MAPK10: variants seen among roughly 807,000 people sequenced by gnomAD.
MAPK10 encodes mitogen-activated protein kinase 10.
MAPK10 carries 25 observed loss-of-function variants against 59.3 expected under a neutral mutation model. The observed-to-expected ratio is 0.42, with a 90% CI of 0.31 to 0.59. The LOEUF (loss-of-function observed/expected upper bound fraction) is 0.59. Among genes scored for constraint, MAPK10 ranks in the 20% least tolerant of loss-of-function variants. The pLI is 0.15. For missense variants in MAPK10, 351 were observed against 568.9 expected (o/e 0.62, Z 3.90); for synonymous variants, 190 against 200.5 (o/e 0.95, Z 0.44).
intron 1 of MAPK10, among the ~76,000 whole-genome samples, chr4:86,425,747 C>T (rs960900255): frequency 4.6e-5 from 7 of 152,272 alleles, no homozygotes; most frequent in Non-Finnish European, 7.4e-5. Flanking sequence ...CCAAGGCAGG[C>T]GGATCACATG....
intron 1 of MAPK10, among the ~76,000 whole-genome samples, chr4:86,579,165 A>AC (rs1762093970): frequency 6.6e-6 from 1 of 152,296 alleles, no homozygotes; most frequent in East Asian, 1.9e-4. Flanking sequence ...TTATGTTACT[A>AC]CTACAGCAGT....
At position 86,057,083 on chromosome 4, in the gene MAPK10, C is replaced by G. The variant is rs1053003172; in HGVS notation, c.1110+7183G>C. Among the ~76,000 whole-genome samples, 35 of 149,008 alleles carry G rather than the reference C, an allele frequency of 2.3e-4. 3 individuals carry two copies. Among genetic ancestry groups the G allele is most frequent in the African/African-American group, 8.4e-4 (33 of 39,490 alleles). The stretch of plus-strand genomic sequence containing the variant: ...GGTTCAAGCGATTCTCCTGCCTCAG[C>G]CTTCCCAGTACCTGGCACTACAGGT... On this transcript the variant is annotated intron_variant, in intron 11 of 13. Transcript: ENST00000641462.
intron 13 of MAPK10, chr4:86,026,355 T>C (rs1437869191): frequency 6.6e-6 from 1 of 152,198 alleles, no homozygotes; most frequent in Non-Finnish European, 1.5e-5. Context: ...TCAGCAATTG[T>C]TACAGATCAA....
At chr4:86,128,004 G>A (rs972420602) in intron 4 of MAPK10, among the ~76,000 whole-genome samples, 5 of 151,784 alleles carry the variant, frequency 3.3e-5, no homozygotes, top group Admixed American at 2.0e-4. Flanking sequence ...TTAGGCACTG[G>A]GATTAGATTT....
At chr4:86,591,886 G>A (rs1415556885) in intron 1 of MAPK10, among the ~76,000 whole-genome samples, 1 of 151,944 alleles carries the variant, frequency 6.6e-6, no homozygotes, top group Non-Finnish European at 1.5e-5. Context: ...TTCTTGCCTT[G>A]TACTTGACTT....
At chr4:86,141,184 C>G (rs1256092499) in intron 4 of MAPK10, among the ~76,000 whole-genome samples, 2 of 152,170 alleles carry the variant, frequency 1.3e-5, no homozygotes, top group Admixed American at 6.5e-5. Context: ...ACATACAAGT[C>G]AAGCTCAGAA....
intron 3 of MAPK10, among the ~76,000 whole-genome samples, chr4:86,172,937 T>A (rs1488559431): frequency 6.6e-6 from 1 of 151,620 alleles, no homozygotes; most frequent in Non-Finnish European, 1.5e-5. Context: ...TCAAGGAGAA[T>A]TACAAAACCA....
intron 2 of MAPK10, among the ~76,000 whole-genome samples, chr4:86,204,354 A>AAATATTGTTC (rs1214454376): frequency 6.6e-6 from 1 of 152,022 alleles, no homozygotes; most frequent in Non-Finnish European, 1.5e-5. Flanking sequence ...ATGTTTCTTA[A>AAATATTGTTC]AATATTGTTC....
intron 1 of MAPK10, among the ~76,000 whole-genome samples, chr4:86,385,278 T>C (rs955501193): frequency 2.0e-5 from 3 of 152,192 alleles, no homozygotes; most frequent in Admixed American, 1.3e-4. Flanking sequence ...TATTTTAGTT[T>C]ACCAACCATT....
At chr4:86,073,885 T>A (rs371830660) in intron 9 of MAPK10, among the ~76,000 whole-genome samples, 1 of 116,126 alleles carries the variant, frequency 8.6e-6, no homozygotes, top group Admixed American at 8.4e-5. Flanking sequence ...TTTGGGGTGG[T>A]GAGTTCTGTA....
intron 3 of MAPK10, among the ~76,000 whole-genome samples, chr4:86,160,676 TG>T (rs2069302722): frequency 6.4e-5 from 8 of 124,268 alleles, no homozygotes; most frequent in Non-Finnish European, 1.4e-4. Context: ...CCTCACAACT[TG>T]TGAGTGTCCT....
At chr4:86,134,896 C>G (rs1468542772) in intron 4 of MAPK10, among the ~76,000 whole-genome samples, 2 of 152,178 alleles carry the variant, frequency 1.3e-5, no homozygotes, top group African/African-American at 4.8e-5. Context: ...TCAGGGAGTT[C>G]CCTTTCCTAG....
chr4:86,115,487 G>GTTTTTTT (rs1443096946), intron 4 of MAPK10, among the ~76,000 whole-genome samples: 7,399 of 151,952 alleles, frequency 0.049, 606 homozygotes, highest in African/African-American at 0.17. Context: ...TTTTTGGACA[G>GTTTTTTT]TTTTGCTCTT....
chr4:86,280,660 A>C lies in MAPK10; in HGVS notation c.-7+73870T>G, dbSNP rs145687358. ...ACATACACTCATGTTTGTTGCAGTA[A>C]TATTCACAATAGCAAAGACATAGAA... On this transcript the variant is annotated intron_variant, in intron 2 of 13. Coordinates refer to ENST00000641462, the MANE Select transcript of MAPK10 (RefSeq NM_138982.4). Among the ~76,000 whole-genome samples the C allele has an allele frequency of 5.8e-3, 884 of 152,234 alleles. 8 individuals are homozygous for C. The highest frequency in any genetic ancestry group is 0.02 in the African/African-American group (832 of 41,550).
chr4:86,459,219 C>T (rs1255913143), intron 1 of MAPK10, among the ~76,000 whole-genome samples: 2 of 152,308 alleles, frequency 1.3e-5, no homozygotes, highest in African/African-American at 4.8e-5. Flanking sequence ...GCAATACCAC[C>T]TTACTCTTGC....
At chr4:86,337,457 A>C (rs1722207430) in intron 2 of MAPK10, among the ~76,000 whole-genome samples, 2 of 152,192 alleles carry the variant, frequency 1.3e-5, no homozygotes, top group Admixed American at 1.3e-4. Context: ...GTATATAGTA[A>C]GTCTCTTTGT....
chr4:86,136,027 G>C (rs549136816), intron 4 of MAPK10, among the ~76,000 whole-genome samples: 7 of 152,242 alleles, frequency 4.6e-5, no homozygotes, highest in African/African-American at 1.7e-4. Flanking sequence ...AAGAAATATG[G>C]GACTATGTGA....
chr4:86,418,222 T>C (rs571334854), intron 1 of MAPK10, among the ~76,000 whole-genome samples: 1 of 152,232 alleles, frequency 6.6e-6, no homozygotes, highest in Admixed American at 6.5e-5. Flanking sequence ...ATTGAGAGCA[T>C]GTACCTAAGA....
At chr4:86,553,204 G>A (rs1759994948) in intron 1 of MAPK10, among the ~76,000 whole-genome samples, 1 of 152,150 alleles carries the variant, frequency 6.6e-6, no homozygotes, top group Non-Finnish European at 1.5e-5. Context: ...CCTAGTAGTG[G>A]TAGGCAAGGG....
Sources: allele counts gnomAD v4.1 joint callset (sites outside exome capture counted in the v4.1 genomes callset), GRCh38; gene constraint gnomAD v4.1.1; transcripts MANE v1.5; gene names NCBI Gene and HGNC (gene_info 2026-07-23, HGNC 2026-07-21).